The following PKP4 variants were observed in gnomAD, a reference collection of about 807,000 sequenced individuals.
PKP4 encodes the protein plakophilin 4, also known as plakophilin-4.
In PKP4, 90 loss-of-function variants were observed where a neutral mutation model predicts 145.1. That is an observed-to-expected ratio of 0.62 (90% CI 0.52 to 0.74). The LOEUF (loss-of-function observed/expected upper bound fraction) is 0.74, where lower values mean the gene tolerates loss of function less well. PKP4 is among the 30% of genes least tolerant of loss of function. The pLI, the probability that PKP4 is intolerant of heterozygous loss-of-function variation, is 0.00. For synonymous variants in PKP4, 563 were observed against 577.2 expected (o/e 0.98, Z 0.35); for missense variants, 1,340 against 1,482.7 (o/e 0.90, Z 1.58).
At chr2:158,618,258 T>G (rs1460846105) in intron 4 of PKP4, among the ~76,000 whole-genome samples, 2 of 152,234 alleles carry the variant, frequency 1.3e-5, no homozygotes, top group African/African-American at 4.8e-5. Flanking sequence ...AATAAATCTT[T>G]TATTAACTCT....
intron 11 of PKP4, among the ~76,000 whole-genome samples, chr2:158,647,537 G>A (rs1038936206): frequency 3.3e-5 from 5 of 152,068 alleles, no homozygotes; most frequent in Non-Finnish European, 4.4e-5. Flanking sequence ...ACTGCCCAGG[G>A]CCTATATTTT....
rs539760173 is a variant in PKP4, at chr2:158,624,863, C to T, written c.604-15C>T. 15 of 1,544,082 alleles carry T rather than the reference C, an allele frequency of 9.7e-6. No homozygotes were observed. Among genetic ancestry groups the T allele is most frequent in the Non-Finnish European group, 1.3e-5 (15 of 1,144,776 alleles). On this transcript the variant is annotated splice_polypyrimidine_tract_variant and intron_variant, in intron 6 of 21. Transcript: ENST00000389759. ...CTGGATAAACCCATTCTCTTTTTTC[C>T]CCCCCTTTCATCAGCCATCAGTAGC... is the stretch of plus-strand genomic sequence containing the variant.
chr2:158,638,866 T>C (rs1299409759), intron 9 of PKP4, among the ~76,000 whole-genome samples: 2 of 152,196 alleles, frequency 1.3e-5, no homozygotes, highest in Non-Finnish European at 2.9e-5. Flanking sequence ...GTGCAGATAG[T>C]GGGTAATCTG....
chr2:158,463,940 G>A (rs955099724), intron 1 of PKP4, among the ~76,000 whole-genome samples: 12 of 152,292 alleles, frequency 7.9e-5, no homozygotes, highest in African/African-American at 2.6e-4. Flanking sequence ...GGGGCCCCTC[G>A]GGGCAGGAGC....
At chr2:158,542,411 A>G (rs2044599681) in intron 2 of PKP4, among the ~76,000 whole-genome samples, 1 of 152,214 alleles carries the variant, frequency 6.6e-6, no homozygotes, top group African/African-American at 2.4e-5. Flanking sequence ...GAAGGCCTGT[A>G]GGTAAGATTA....
chr2:158,457,617 C>G (rs956255368), intron 1 of PKP4: 2 of 152,698 alleles, frequency 1.3e-5, no homozygotes, highest in Non-Finnish European at 2.9e-5. Context: ...CCTGCCGCCG[C>G]GCGCCCCAAG....
At chr2:158,661,197 C>A in intron 12 of PKP4, 136 bp from the exon 13 acceptor site, 1 of 612,698 alleles carries the variant, frequency 1.6e-6, no homozygotes. Context: ...TGTTACCATG[C>A]AAGCCCCCAG....
intron 9 of PKP4, among the ~76,000 whole-genome samples, chr2:158,637,255 C>T (rs2883862): frequency 6.6e-6 from 1 of 151,822 alleles, no homozygotes; most frequent in African/African-American, 2.4e-5. Flanking sequence ...ACCCCTAAAA[C>T]TTGGCCTTTG....
At position 158,676,770 on chromosome 2, in the gene PKP4, A is replaced by G. The variant is rs758398793; in HGVS notation, c.3159A>G (p.Leu1053=). The G allele has an allele frequency of 6.2e-7, 1 of 1,614,078 alleles. No individual in the cohort carries two copies. Among genetic ancestry groups the G allele is most frequent in the South Asian group, 1.1e-5 (1 of 91,078 alleles). Residue 1053 remains leucine (L), a synonymous_variant, in exon 20 of 22, where the codon TTA becomes TTG. Coordinates refer to ENST00000389759, the MANE Select transcript of PKP4 (RefSeq NM_003628.6). ...GCACCTCTTCCTCACCAGCACTGTT[A>G]GGAATCAGAGACCCTCGCTCTGAAT... is the stretch of plus-strand genomic sequence containing the variant. ...VGSTSSSPAL[L]GIRDPRSEYD...
At chr2:158,566,350 A>G (rs143970367) in intron 2 of PKP4, among the ~76,000 whole-genome samples, 13 of 152,222 alleles carry the variant, frequency 8.5e-5, no homozygotes, top group African/African-American at 3.1e-4. Context: ...TTGGTCATTT[A>G]TTCTTTTAGT....
At chr2:158,548,297 T>G (rs1276608429) in intron 2 of PKP4, 4 of 152,212 alleles carry the variant, frequency 2.6e-5, no homozygotes, top group Non-Finnish European at 5.9e-5. Context: ...AATTTGTGCA[T>G]AAGTAAAATT....
In PKP4 at chr2:158,631,912, C is replaced by T. The variant is rs374177059; in HGVS notation, c.1313C>T (p.Ser438Leu). ...PNHGTVELQG[S>L]QTALYRTGSV... ...CATGGAACTGTGGAGCTCCAAGGATCGCAGACGGCGTTGTATCGCACAGGT... is the reference window on the plus strand; with the variant it reads ...CATGGAACTGTGGAGCTCCAAGGATTGCAGACGGCGTTGTATCGCACAGGT... The change falls in exon 8 of 22, where the codon TCG becomes TTG. Residue 438 changes from serine to leucine, a missense_variant. Physicochemically the swap from Ser to Leu is moderately radical, Grantham distance 145. Transcript: ENST00000389759. 1.9e-6 allele frequency: 3 copies of T among 1,613,864 alleles called. No individual in the cohort carries two copies. The highest frequency in any genetic ancestry group is 1.3e-5 in the African/African-American group (1 of 74,898).
intron 2 of PKP4, among the ~76,000 whole-genome samples, chr2:158,545,073 C>CTTTTTTTTTTTT (rs386391605): frequency 1.4e-5 from 1 of 72,510 alleles, no homozygotes; most frequent in African/African-American, 5.7e-5. Context: ...AAGTCTTTCA[C>CTTTTTTTTTTTT]TTTTTTTTTT....
At chr2:158,644,585 C>CAT (rs60195843) in intron 11 of PKP4, among the ~76,000 whole-genome samples, 138,703 of 152,170 alleles carry the variant, frequency 0.91, 63,288 homozygotes, top group East Asian at 0.97. Context: ...ATACACATAA[C>CAT]AGATACATGC....
intron 1 of PKP4, among the ~76,000 whole-genome samples, chr2:158,487,648 A>G (rs1206375527): frequency 6.6e-6 from 1 of 152,210 alleles, no homozygotes; most frequent in African/African-American, 2.4e-5. Context: ...GAAGGTAAAA[A>G]TAGTTTCTGC....
chr2:158,668,272 T>C (rs2057282923), intron 16 of PKP4, among the ~76,000 whole-genome samples: 1 of 152,162 alleles, frequency 6.6e-6, no homozygotes, highest in Admixed American at 6.5e-5. Context: ...TGCCTCACTC[T>C]TGGATTCAGT....
chr2:158,650,138 C>T (rs1431105334), intron 11 of PKP4, among the ~76,000 whole-genome samples: 4 of 152,212 alleles, frequency 2.6e-5, no homozygotes, highest in East Asian at 1.9e-4. Flanking sequence ...CCCCCACTGC[C>T]GTTTCTGCCC....
At chr2:158,578,906 C>A (rs1041612711) in intron 3 of PKP4, among the ~76,000 whole-genome samples, 1 of 152,136 alleles carries the variant, frequency 6.6e-6, no homozygotes, top group Non-Finnish European at 1.5e-5. Context: ...TGAGCTACCT[C>A]TGTAGGAGAT....
At chr2:158,678,022 CATT>C (rs1428445580) in intron 20 of PKP4, among the ~76,000 whole-genome samples, 1 of 151,328 alleles carries the variant, frequency 6.6e-6, no homozygotes, top group East Asian at 1.9e-4. Context: ...ACAATTATCT[CATT>C]ATTACCAAGT....
Sources: gnomAD v4.1 joint callset for allele counts (sites outside exome capture counted in the v4.1 genomes callset) on GRCh38, gnomAD v4.1.1 for gene constraint, MANE v1.5 for transcripts, NCBI Gene and HGNC (gene_info 2026-07-23, HGNC 2026-07-21) for gene names.